ACOX3: variants seen among roughly 807,000 people sequenced by gnomAD.
ACOX3 encodes peroxisomal acyl-coenzyme A oxidase 3.
In ACOX3, 73 loss-of-function variants were observed where a neutral mutation model predicts 81.5. That is an observed-to-expected ratio of 0.90 (90% CI 0.74 to 1.09). The LOEUF (loss-of-function observed/expected upper bound fraction) is 1.09, where lower values mean the gene tolerates loss of function less well. ACOX3 is among the 50% of genes least tolerant of loss of function. ACOX3 has a pLI of 0.00. For synonymous variants in ACOX3, 387 were observed against 375.1 expected, an observed-to-expected ratio of 1.03 and a Z score of -0.37; for missense variants, 947 against 928.0, an observed-to-expected ratio of 1.02 and a Z score of -0.27.
chr4:8,435,055 T>A (rs1315312924), intron 1 of ACOX3, among the ~76,000 whole-genome samples: 1 of 152,162 alleles, frequency 6.6e-6, no homozygotes, highest in Non-Finnish European at 1.5e-5. Flanking sequence ...AAAAAAAAAT[T>A]TCAAGAAGAA....
At chr4:8,355,501 A>G in the ACOX3 span, 151,550 of 152,338 alleles carry the variant, frequency 0.99, 75,389 homozygotes, top group Middle Eastern at 1. Flanking sequence ...TTCAGTGGGC[A>G]AAGCATTTCA....
At chr4:8,380,189 CT>C (rs11388749) in intron 14 of ACOX3, among the ~76,000 whole-genome samples, 5,822 of 125,714 alleles carry the variant, frequency 0.046, 92 homozygotes, top group African/African-American at 0.076. Flanking sequence ...ATATGGGTTC[CT>C]TTTTTTTTTT....
In ACOX3 at chr4:8,399,640, G is replaced by T. The variant is rs1445843451; in HGVS notation, c.789C>A (p.Phe263Leu). The change falls in exon 8 of 18, where the codon TTC (phenylalanine) becomes TTA (leucine). Residue 263 changes from phenylalanine to leucine, a missense_variant. Physicochemically the swap from Phe to Leu is conservative, Grantham distance 22. Coordinates refer to ENST00000356406, the MANE Select transcript of ACOX3 (RefSeq NM_003501.3). The surrounding 1 kb of genome is among the most constrained non-coding windows in gnomAD (Gnocchi z 4.9). ...QNGLDNGFAM[F>L]HKVRVPRQSL... ...TCTGGCGAGGAACTCTGACCTTGTGGAACATGGCGAAACTGTGGGGAAGCA... is the reference window on the plus strand; with the variant it reads ...TCTGGCGAGGAACTCTGACCTTGTGTAACATGGCGAAACTGTGGGGAAGCA... The T allele has an allele frequency of 6.2e-7, 1 of 1,614,136 alleles. No homozygotes were observed. Among genetic ancestry groups the T allele is most frequent in the South Asian group, 1.1e-5 (1 of 91,078 alleles).
Position 8,389,145 on chromosome 4 carries a change from C to A in ACOX3, c.1537+28G>T, listed in dbSNP as rs750858650. ...TGGGAATGACAGGAAATCAGGAGGC[C>A]AGGGGAGCCCTCCACCTGTGTGTTT... On this transcript the variant is annotated intron_variant, in intron 13 of 17. Transcript: ENST00000356406. The surrounding 1 kb of genome is among the most constrained non-coding windows in gnomAD (Gnocchi z 5.3). The A allele has an allele frequency of 2.5e-6, 4 of 1,588,224 alleles. No individual in the cohort carries two copies. The highest frequency in any genetic ancestry group is 3.5e-6 in the Non-Finnish European group (4 of 1,158,008).
In ACOX3 at chr4:8,375,966, C is replaced by T. The variant is rs530814316; in HGVS notation, c.1654-814G>A. 2.0e-5 allele frequency among the ~76,000 whole-genome samples: 3 copies of T among 152,182 alleles called. No individual in the cohort carries two copies. In the East Asian group the frequency reaches 5.8e-4, roughly 29 times the overall value. On this transcript the variant is annotated intron_variant, in intron 14 of 17. Coordinates refer to ENST00000356406, the MANE Select transcript of ACOX3 (RefSeq NM_003501.3). ...ATTTTTGCTATTGTGAATAGCGCTG[C>T]GATGGACATACAGGTACATGTATCT...
chr4:8,414,471 A>G lies in ACOX3; in HGVS notation c.454-90T>C. ...CCTCACTGCCATCTTTCCTTTAAAG[A>G]TGAAACCACATATCAAAGCCCCAAA... On this transcript the variant is annotated intron_variant, in intron 4 of 17. Transcript: ENST00000356406. This position sits in a 1 kb window ranked among gnomAD's most constrained non-coding sequence, Gnocchi z 6.1. The G allele has an allele frequency of 8.5e-7, 1 of 1,173,650 alleles. No individual in the cohort carries two copies. The highest frequency in any genetic ancestry group is 1.3e-6 in the Non-Finnish European group (1 of 794,188). 72.7% of individuals were successfully genotyped at this position (1,173,650 alleles called of 1,614,324 possible).
rs1410994837 is a variant in ACOX3, at chr4:8,416,466, C to A, written c.56G>T (p.Gly19Val). The A allele has an allele frequency of 6.2e-7, 1 of 1,614,024 alleles. No homozygotes were observed. The highest frequency in any genetic ancestry group is 1.7e-5 in the Admixed American group (1 of 60,002). Reference sequence around the variant, plus strand: ...TCTTGCTCGGTAGGCATCGAGGGGCCCCCTGGGGAATTCTGGGAGCAGAGC... The same window carrying A: ...TCTTGCTCGGTAGGCATCGAGGGGCACCCTGGGGAATTCTGGGAGCAGAGC... ...DTALLPEFPRGPLDAYRARAS... is the reference protein window; with the variant it reads ...DTALLPEFPRVPLDAYRARAS... Residue 19 changes from glycine (G) to valine (V), a missense_variant, in exon 2 of 18, where the codon GGG becomes GTG. Physicochemically the swap from Gly to Val is moderately radical, Grantham distance 109. Transcript: ENST00000356406. The surrounding 1 kb of genome is among the most constrained non-coding windows in gnomAD (Gnocchi z 4.2).
Position 8,375,104 on chromosome 4 carries a change from C to A in ACOX3, c.1702G>T (p.Val568Phe), listed in dbSNP as rs1481001280. Residue 568 changes from valine (V) to phenylalanine (F), a missense_variant, in exon 15 of 18, where the codon GTC (valine) becomes TTC (phenylalanine). By Grantham distance (50) the Val-to-Phe change is conservative. Transcript: ENST00000356406. ...LALAFVELTV[V>F]QRFHEHVHQP... The stretch of plus-strand genomic sequence containing the variant: ...TGCACGTGCTCGTGGAACCTCTGGA[C>A]CACCGTGAGCTCCACGAAGGCCAGC... 1.3e-6 allele frequency: 2 copies of A among 1,554,446 alleles called. No individual in the cohort carries two copies. The highest frequency in any genetic ancestry group is 2.4e-5 in the East Asian group (1 of 41,820).
At chr4:8,398,693 C>G (rs747001055) in intron 8 of ACOX3, among the ~76,000 whole-genome samples, 6 of 152,140 alleles carry the variant, frequency 3.9e-5, no homozygotes, top group Non-Finnish European at 7.3e-5. Context: ...CCAGGCTGGT[C>G]TGGAACTCCT....
Position 8,419,469 on chromosome 4 carries a change from A to G in ACOX3, c.-14-2934T>C, listed in dbSNP as rs1169041717. Among the ~76,000 whole-genome samples the G allele has an allele frequency of 6.6e-6, 1 of 152,102 alleles. No individual in the cohort carries two copies. The highest frequency in any genetic ancestry group is 1.5e-5 in the Non-Finnish European group (1 of 68,012). On this transcript the variant is annotated intron_variant, in intron 1 of 17. Transcript: ENST00000356406. The surrounding 1 kb of genome is among the most constrained non-coding windows in gnomAD (Gnocchi z 4.2). ...AGAAAAAAAGAAAAAAGAAACAGAAAAATAATCACAAGTATTGAGAGGATG... is the reference window on the plus strand; with the variant it reads ...AGAAAAAAAGAAAAAAGAAACAGAAGAATAATCACAAGTATTGAGAGGATG...
At chr4:8,358,543 C>T in the ACOX3 span, among the ~76,000 whole-genome samples, 2 of 152,150 alleles carry the variant, frequency 1.3e-5, no homozygotes, top group Non-Finnish European at 2.9e-5. Flanking sequence ...CTGCATTCCC[C>T]GATGGTTAGG....
chr4:8,406,073 G>T lies in ACOX3; in HGVS notation c.688-30C>A, dbSNP rs142309519. On this transcript the variant is annotated intron_variant, in intron 6 of 17. Coordinates refer to ENST00000356406, the MANE Select transcript of ACOX3 (RefSeq NM_003501.3). The surrounding 1 kb of genome is among the most constrained non-coding windows in gnomAD (Gnocchi z 5.6). ...ACAAAGCCACAGAAAGCAGCAAACA[G>T]CAACTGTTACAATCACACAAAAATC... 2.3e-5 allele frequency: 37 copies of T among 1,597,136 alleles called. No individual in the cohort carries two copies. Among genetic ancestry groups the T allele is most frequent in the Middle Eastern group, 3.3e-4 (2 of 6,026 alleles).
Position 8,389,101 on chromosome 4 carries a change from G to A in ACOX3, c.1537+72C>T. On this transcript the variant is annotated intron_variant, in intron 13 of 17. Coordinates refer to ENST00000356406, the MANE Select transcript of ACOX3 (RefSeq NM_003501.3). The surrounding 1 kb of genome is among the most constrained non-coding windows in gnomAD (Gnocchi z 5.3). ...GAACTGCCAAGGGTCCCCTCACCGA[G>A]GCACGGTGCGTTTCCTGGTGGGAAT... The A allele has an allele frequency of 1.5e-6, 2 of 1,325,680 alleles. No homozygotes were observed. Among genetic ancestry groups the A allele is most frequent in the East Asian group, 2.4e-5 (1 of 42,276 alleles). 82.1% of individuals were successfully genotyped at this position (1,325,680 alleles called of 1,614,324 possible).
At chr4:8,383,875 C>T (rs145092374) in intron 13 of ACOX3, among the ~76,000 whole-genome samples, 11 of 152,216 alleles carry the variant, frequency 7.2e-5, no homozygotes, top group Middle Eastern at 3.2e-3. Context: ...GAAAGGTAGA[C>T]GCCGTACAGT....
the ACOX3 span, among the ~76,000 whole-genome samples, chr4:8,360,112 GTAACCATGTGGCCATGCT>G: frequency 6.6e-6 from 1 of 150,996 alleles, no homozygotes; most frequent in Non-Finnish European, 1.5e-5. Context: ...GCTTGACCTT[GTAACCATGTGGCCATGCT>G]TTCTCTTTTC....
rs1468774177 is a variant in ACOX3 at position 8,389,178 on chromosome 4, G to A, written c.1532C>T (p.Ser511Phe). ...CCCTCCACCTGTGTGTTTACCTGCA[G>A]AGTCCAAGCAGTCGGCAACACTGGA... is the stretch of plus-strand genomic sequence containing the variant. ...EVSSVADCLD[S>F]AVALAAYKWL... The change falls in exon 13 of 18, where the codon TCT (serine) becomes TTT (phenylalanine). Residue 511 changes from serine (S) to phenylalanine (F), a missense_variant. Transcript: ENST00000356406. The surrounding 1 kb of genome is among the most constrained non-coding windows in gnomAD (Gnocchi z 5.3). The A allele has an allele frequency of 6.2e-7, 1 of 1,613,452 alleles. No individual in the cohort carries two copies. The highest frequency in any genetic ancestry group is 1.1e-5 in the South Asian group (1 of 90,972).
intron 14 of ACOX3, among the ~76,000 whole-genome samples, chr4:8,379,188 A>G (rs1717336813): frequency 6.6e-6 from 1 of 152,168 alleles, no homozygotes; most frequent in Admixed American, 6.5e-5. Context: ...GGTTTTTTTA[A>G]CAGCTTCCGG....
downstream of ACOX3, among the ~76,000 whole-genome samples, chr4:8,364,725 A>G (rs1466721241): frequency 6.6e-6 from 1 of 152,222 alleles, no homozygotes; most frequent in Non-Finnish European, 1.5e-5. This position sits in a 1 kb window ranked among gnomAD's most constrained non-coding sequence, Gnocchi z 5.0. Context: ...CATACCCTTG[A>G]CCTTGAACAA....
chr4:8,377,297 C>T (rs900397155), intron 14 of ACOX3, among the ~76,000 whole-genome samples: 8 of 152,298 alleles, frequency 5.3e-5, no homozygotes, highest in South Asian at 2.1e-4. Flanking sequence ...TGTGTTAGAG[C>T]GGCACTGCTT....
Sources: gnomAD v4.1 joint callset for allele counts (sites outside exome capture counted in the v4.1 genomes callset) on GRCh38, gnomAD v4.1.1 for gene constraint, Gnocchi (gnomAD v3.1) non-coding constraint, MANE v1.5 for transcripts, NCBI Gene and HGNC (gene_info 2026-07-23, HGNC 2026-07-21) for gene names.